CAPN13: variants seen among roughly 807,000 people sequenced by gnomAD.
CAPN13 encodes calpain 13, also known as calpain-13.
CAPN13 carries 90 observed loss-of-function variants against 98.4 expected under a neutral mutation model. That is an observed-to-expected ratio of 0.92 (90% CI 0.77 to 1.09). The LOEUF (loss-of-function observed/expected upper bound fraction) is 1.09, where lower values mean the gene tolerates loss of function less well. Among genes scored for constraint, CAPN13 ranks in the 50% least tolerant of loss-of-function variants. CAPN13 has a pLI of 0.00. For missense variants in CAPN13, 887 were observed against 841.3 expected, an observed-to-expected ratio of 1.05 and a Z score of -0.67; for synonymous variants, 330 against 305.5, an observed-to-expected ratio of 1.08 and a Z score of -0.84.
At chr2:30,806,731 C>T (rs1156561896) in intron 1 of CAPN13, among the ~76,000 whole-genome samples, 16 of 152,206 alleles carry the variant, frequency 1.1e-4, no homozygotes, top group Admixed American at 1.0e-3. Flanking sequence ...GTGACCATGA[C>T]ACCACTAGAG....
In CAPN13 at chr2:30,763,098, A is replaced by C. The variant is rs1451358093; in HGVS notation, c.758T>G (p.Val253Gly). 6.2e-7 allele frequency: 1 copy of C among 1,609,942 alleles called. No homozygotes were observed. The highest frequency in any genetic ancestry group is 8.5e-7 in the Non-Finnish European group (1 of 1,178,396). The change falls in exon 7 of 23, where the codon GTG becomes GGG. Residue 253 changes from valine (V) to glycine (G), a missense_variant. By Grantham distance (109) the Val-to-Gly change is moderately radical (BLOSUM62 -3). Coordinates refer to ENST00000295055, the MANE Select transcript of CAPN13 (RefSeq NM_144575.3). ...CAGCCTTACCTGCTCAGCCCCAGTC[A>C]CAGTGTAGGCATGGAGACTCACCAG... ...NGLVSLHAYT[V>G]TGAEQIQYRR... is the part of the protein sequence containing the mutation.
At chr2:30,777,504 G>T in intron 3 of CAPN13, 63 bp downstream of exon 3, 1 of 1,420,800 alleles carries the variant, frequency 7.0e-7, no homozygotes, top group Non-Finnish European at 9.7e-7. Flanking sequence ...AGGACTCTGT[G>T]GGTAAGCACC....
chr2:30,761,714 G>A (rs1381697459), intron 7 of CAPN13, among the ~76,000 whole-genome samples: 2 of 152,182 alleles, frequency 1.3e-5, no homozygotes, highest in African/African-American at 4.8e-5. Context: ...GAAGTGCTGA[G>A]GTCAATTTTG....
At chr2:30,770,624 G>A (rs1254831483) in intron 4 of CAPN13, among the ~76,000 whole-genome samples, 175 bp from the exon 5 acceptor site, 4 of 152,222 alleles carry the variant, frequency 2.6e-5, no homozygotes, top group Non-Finnish European at 4.4e-5. Flanking sequence ...ATCTCAACCG[G>A]CAGATGGAGA....
intron 1 of CAPN13, among the ~76,000 whole-genome samples, chr2:30,793,241 A>G (rs1226071788): frequency 2.0e-5 from 3 of 151,780 alleles, no homozygotes; most frequent in Non-Finnish European, 4.4e-5. Context: ...CAAAACAACT[A>G]CTAGAACTAA....
At chr2:30,779,027 T>C (rs1010102233) in intron 2 of CAPN13, among the ~76,000 whole-genome samples, 7 of 152,196 alleles carry the variant, frequency 4.6e-5, no homozygotes, top group African/African-American at 1.7e-4. Context: ...CTCTCTCTAC[T>C]GGAAAAGGGG....
At chr2:30,794,288 C>G (rs1412394909) in intron 1 of CAPN13, among the ~76,000 whole-genome samples, 1 of 151,828 alleles carries the variant, frequency 6.6e-6, no homozygotes, top group African/African-American at 2.4e-5. Flanking sequence ...AATAACCCAA[C>G]TTGAAAAGAT....
intron 1 of CAPN13, among the ~76,000 whole-genome samples, chr2:30,800,136 G>GAAAGAAAGA (rs1553322236): frequency 1.4e-5 from 2 of 144,436 alleles, no homozygotes; most frequent in African/African-American, 5.3e-5. Context: ...AAGAAAGAAA[G>GAAAGAAAGA]AAAGAAAGAA....
At chr2:30,753,318 A>G in intron 9 of CAPN13, 120 bp from the exon 10 acceptor site, 1 of 999,214 alleles carries the variant, frequency 1.0e-6, no homozygotes, top group Non-Finnish European at 1.5e-6. Flanking sequence ...ATCCTGGCTC[A>G]TTCACCATCA....
At position 30,758,143 on chromosome 2, in the gene CAPN13, A is replaced by C; in HGVS notation, c.775-6T>G. ...CAGCCCCTTCGGTATTGAATCTGTA[A>C]AGAAAACAGAAAAGGAAACTCAGTG... On this transcript the variant is annotated splice_polypyrimidine_tract_variant and splice_region_variant and intron_variant, in intron 7 of 22. Coordinates refer to ENST00000295055, the MANE Select transcript of CAPN13 (RefSeq NM_144575.3). 1 of 1,586,256 alleles carries C rather than the reference A, an allele frequency of 6.3e-7. No individual in the cohort carries two copies. The highest frequency in any genetic ancestry group is 8.6e-7 in the Non-Finnish European group (1 of 1,166,802).
intron 4 of CAPN13, among the ~76,000 whole-genome samples, chr2:30,771,858 G>A (rs374762394): frequency 3.3e-5 from 5 of 152,298 alleles, no homozygotes; most frequent in Admixed American, 6.5e-5. Flanking sequence ...CTGCCTCATA[G>A]GTTGTGATTA....
chr2:30,751,253 TG>T lies in CAPN13; in HGVS notation c.1088-3del, dbSNP rs1407304860. On this transcript the variant is annotated splice_polypyrimidine_tract_variant and splice_region_variant and intron_variant, in intron 10 of 22. Coordinates refer to ENST00000295055, the MANE Select transcript of CAPN13 (RefSeq NM_144575.3). ...ATTGAGCATCATTCCGAGGTCCTCC[TG>T]CATCAGAAAGAGCTGTTACTAGAGC... 3 of 1,613,744 alleles carry T rather than the reference TG, an allele frequency of 1.9e-6. No individual in the cohort carries two copies. The highest frequency in any genetic ancestry group is 1.7e-5 in the Admixed American group (1 of 60,014).
chr2:30,758,002 C>T (rs767632764), intron 8 of CAPN13, 44 bp downstream of exon 8: 2 of 1,479,120 alleles, frequency 1.4e-6, no homozygotes, highest in South Asian at 1.3e-5. Context: ...CTACCGACAC[C>T]AAGCGCTCTG....
At chr2:30,773,766 C>G (rs1673532174) in intron 4 of CAPN13, among the ~76,000 whole-genome samples, 1 of 152,160 alleles carries the variant, frequency 6.6e-6, no homozygotes, top group Non-Finnish European at 1.5e-5. Flanking sequence ...AACTTCTCCT[C>G]TTTATGATCT....
At chr2:30,786,183 C>T (rs562524225) in intron 2 of CAPN13, among the ~76,000 whole-genome samples, 66 of 152,194 alleles carry the variant, frequency 4.3e-4, no homozygotes, top group Non-Finnish European at 7.1e-4. Context: ...TGTAACCTAC[C>T]TTCACTTTAT....
At chr2:30,795,383 T>C (rs1403488838) in intron 1 of CAPN13, among the ~76,000 whole-genome samples, 1 of 152,086 alleles carries the variant, frequency 6.6e-6, no homozygotes, top group Non-Finnish European at 1.5e-5. Flanking sequence ...TCACCAACAG[T>C]GTAAAAGAGT....
intron 1 of CAPN13, among the ~76,000 whole-genome samples, chr2:30,803,877 G>T (rs1361698101): frequency 3.3e-5 from 5 of 152,126 alleles, no homozygotes; most frequent in African/African-American, 1.2e-4. Flanking sequence ...GGATTGCCTT[G>T]TTCACCTCTC....
At chr2:30,728,970 G>A (rs1670959642) in intron 22 of CAPN13, among the ~76,000 whole-genome samples, 2 of 152,158 alleles carry the variant, frequency 1.3e-5, no homozygotes, top group Non-Finnish European at 2.9e-5. Flanking sequence ...GCTGGAAGGG[G>A]TAGGAGATGA....
intron 5 of CAPN13, among the ~76,000 whole-genome samples, chr2:30,765,371 TG>T (rs1558321557): frequency 6.6e-6 from 1 of 152,124 alleles, no homozygotes; most frequent in Non-Finnish European, 1.5e-5. Context: ...CTCTGTTGCT[TG>T]GGCTTCTCGC....
Sources: allele counts gnomAD v4.1 joint callset (sites outside exome capture counted in the v4.1 genomes callset), GRCh38; gene constraint gnomAD v4.1.1; transcripts MANE v1.5; gene names NCBI Gene and HGNC (gene_info 2026-07-23, HGNC 2026-07-21).